METTL15: variants seen among roughly 807,000 people sequenced by gnomAD.
METTL15 encodes methyltransferase 15, mitochondrial 12S rRNA N4-cytidine, also known as 12S rRNA N(4)-cytidine methyltransferase METTL15.
A neutral mutation model predicts 38.3 loss-of-function variants in METTL15; 34 were observed. The ratio of observed to expected loss-of-function variants is 0.89; its 90% CI spans 0.68 to 1.18. The LOEUF (loss-of-function observed/expected upper bound fraction) is 1.18, where lower values mean the gene tolerates loss of function less well. Ranked by LOEUF, METTL15 falls within the 50% of genes most tolerant of loss-of-function variation. The pLI, the probability that METTL15 is intolerant of heterozygous loss-of-function variation, is 0.00. For synonymous variants in METTL15, 162 were observed against 170.9 expected, an observed-to-expected ratio of 0.95 and a Z score of 0.41; for missense variants, 438 against 498.4, an observed-to-expected ratio of 0.88 and a Z score of 1.15.
intron 4 of METTL15, among the ~76,000 whole-genome samples, chr11:28,217,792 C>T (rs933222655): frequency 1.3e-5 from 2 of 152,132 alleles, no homozygotes; most frequent in South Asian, 4.1e-4. Context: ...GCCAGTTTTC[C>T]CAGCACCATT....
intron 6 of METTL15, among the ~76,000 whole-genome samples, chr11:28,500,858 T>C (rs1460389813): frequency 6.6e-6 from 1 of 152,198 alleles, no homozygotes; most frequent in African/African-American, 2.4e-5. Flanking sequence ...CTTTTGATTT[T>C]CAGTGTATAT....
In METTL15 at chr11:28,296,784, G is replaced by A; in HGVS notation, c.631G>A (p.Val211Met). 6.2e-7 allele frequency: 1 copy of A among 1,613,354 alleles called. No individual in the cohort carries two copies. Among genetic ancestry groups the A allele is most frequent in the East Asian group, 2.2e-5 (1 of 44,860 alleles). Residue 211 changes from valine (V) to methionine (M), a missense_variant, in exon 6 of 7, where the codon GTG (valine) becomes ATG (methionine). By Grantham distance (21) the Val-to-Met change is conservative. Transcript: ENST00000407364. ...TGACATGCCCACTGCTGCTGATGTT[G>A]TGAATGCTTTAGATCAACAGGCACT... ...YPDMPTAADV[V>M]NALDQQALAS...
At chr11:28,488,507 C>T (rs1488107227) in intron 6 of METTL15, among the ~76,000 whole-genome samples, 1 of 152,044 alleles carries the variant, frequency 6.6e-6, no homozygotes, top group African/African-American at 2.4e-5. Flanking sequence ...ATCTATTTAC[C>T]ACCCACTAAA....
chr11:28,406,049 C>A (rs1850670828), intron 5 of METTL15, among the ~76,000 whole-genome samples: 2 of 152,138 alleles, frequency 1.3e-5, no homozygotes, highest in African/African-American at 4.8e-5. Context: ...CACAATGCCT[C>A]CAGCGTTGTC....
chr11:28,149,252 T>C (rs146788190), intron 3 of METTL15, among the ~76,000 whole-genome samples: 32 of 151,736 alleles, frequency 2.1e-4, no homozygotes, highest in African/African-American at 7.7e-4. Flanking sequence ...TTTCTGATAA[T>C]TAGAGGTTGT....
At chr11:28,393,792 A>G (rs960851261) in intron 5 of METTL15, among the ~76,000 whole-genome samples, 3 of 152,082 alleles carry the variant, frequency 2.0e-5, no homozygotes, top group Non-Finnish European at 2.9e-5. Context: ...GGAAGAGACT[A>G]TATACGGATG....
At chr11:28,389,708 T>C (rs1325181054) in intron 5 of METTL15, among the ~76,000 whole-genome samples, 12 of 151,868 alleles carry the variant, frequency 7.9e-5, no homozygotes, top group Non-Finnish European at 1.8e-4. Context: ...GCATGTGTCT[T>C]TATAGCAGCA....
chr11:28,231,538 T>C (rs997631375), intron 4 of METTL15, among the ~76,000 whole-genome samples: 1 of 151,880 alleles, frequency 6.6e-6, no homozygotes, highest in Admixed American at 6.6e-5. Context: ...TAAACTTTTC[T>C]GCTTACCACA....
At chr11:28,238,093 A>G (rs1348869766) in intron 4 of METTL15, among the ~76,000 whole-genome samples, 1 of 152,152 alleles carries the variant, frequency 6.6e-6, no homozygotes, top group Non-Finnish European at 1.5e-5. Flanking sequence ...CCCGTTCTCA[A>G]ATCTCTAGCT....
At chr11:28,328,075 A>G (rs776450528) in intron 6 of METTL15, 37 of 1,601,064 alleles carry the variant, frequency 2.3e-5, no homozygotes, top group Admixed American at 3.4e-5. Context: ...ATGAAAATAT[A>G]TGTTTGTTCA....
intron 4 of METTL15, among the ~76,000 whole-genome samples, chr11:28,238,259 C>G (rs1249116563): frequency 1.3e-5 from 2 of 152,182 alleles, no homozygotes; most frequent in African/African-American, 2.4e-5. Flanking sequence ...TGGGCTCCAC[C>G]CAGTGCGAGC....
intron 4 of METTL15, among the ~76,000 whole-genome samples, chr11:28,220,153 C>T (rs891594919): frequency 1.3e-5 from 2 of 152,110 alleles, no homozygotes; most frequent in African/African-American, 4.8e-5. Flanking sequence ...CTAATGTTGA[C>T]AGTGGGGTGT....
At chr11:28,393,972 ATGTGTG>A (rs1590359240) in intron 5 of METTL15, among the ~76,000 whole-genome samples, 1 of 43,342 alleles carries the variant, frequency 2.3e-5, no homozygotes, top group Non-Finnish European at 5.0e-5. Flanking sequence ...AAAAATATGT[ATGTGTG>A]TGTATGTGTG....
intron 4 of METTL15, among the ~76,000 whole-genome samples, chr11:28,282,307 G>A (rs941767818): frequency 2.6e-5 from 4 of 152,022 alleles, no homozygotes; most frequent in Non-Finnish European, 5.9e-5. Flanking sequence ...ATCACCAACC[G>A]ACACTGCATG....
At position 28,403,484 on chromosome 11, in the gene METTL15, A is replaced by G. The variant is rs537273479; in HGVS notation, c.*359-20815A>G. 3.3e-5 allele frequency among the ~76,000 whole-genome samples: 5 copies of G among 152,148 alleles called. No individual in the cohort carries two copies. The South Asian group carries it at 8.3e-4, about 25-fold the overall frequency. ...ATCACACAATGATGTTCAGAGGTGT[A>G]TGTATATTTGGGATTTCAATCTAGA... On this transcript the variant is annotated intron_variant and NMD_transcript_variant, in intron 5 of 7. Coordinates refer to the METTL15 transcript ENST00000532947.
intron 4 of METTL15, among the ~76,000 whole-genome samples, chr11:28,211,928 G>A (rs1331178434): frequency 6.6e-6 from 1 of 151,832 alleles, no homozygotes; most frequent in African/African-American, 2.4e-5. Flanking sequence ...GAAAATAGAT[G>A]GGAACTTGAG....
At chr11:28,357,746 G>A (rs566300987) in intron 4 of METTL15, among the ~76,000 whole-genome samples, 2 of 152,282 alleles carry the variant, frequency 1.3e-5, no homozygotes, top group East Asian at 1.9e-4. Flanking sequence ...CAAATTAGGA[G>A]TAAGTGGCTT....
At chr11:28,475,294 A>C (rs1456472463) in intron 6 of METTL15, among the ~76,000 whole-genome samples, 1 of 152,224 alleles carries the variant, frequency 6.6e-6, no homozygotes, top group Non-Finnish European at 1.5e-5. Context: ...TCAAATGAAA[A>C]TTGCATGATC....
intron 6 of METTL15, among the ~76,000 whole-genome samples, chr11:28,305,250 A>C (rs1451599974): frequency 6.6e-6 from 1 of 152,194 alleles, no homozygotes; most frequent in Non-Finnish European, 1.5e-5. Flanking sequence ...TTCCTAAAAA[A>C]GTCTAGCTGT....
Sources: allele counts gnomAD v4.1 joint callset (sites outside exome capture counted in the v4.1 genomes callset), GRCh38; gene constraint gnomAD v4.1.1; transcripts MANE v1.5; gene names NCBI Gene and HGNC (gene_info 2026-07-23, HGNC 2026-07-21).